Variants in XIRP2 observed in about 807,000 individuals in gnomAD.
The protein encoded by XIRP2 is xin actin binding repeat containing 2.
Under a neutral mutation model 277.0 loss-of-function variants are expected in XIRP2, and 236 were observed. That is an observed-to-expected ratio of 0.85 (90% confidence interval 0.77 to 0.95). XIRP2 has a LOEUF of 0.95. Among genes scored for constraint, XIRP2 ranks in the 40% least tolerant of loss-of-function variants. The pLI, the probability that XIRP2 is intolerant of heterozygous loss-of-function variation, is 0.00. For synonymous variants in XIRP2, 1,490 were observed against 1,416.5 expected (o/e 1.05, Z -1.17); for missense variants, 4,640 against 4,157.5 (o/e 1.12, Z -3.19).
intron 10 of XIRP2, among the ~76,000 whole-genome samples, chr2:167,256,871 A>G (rs987880665): frequency 6.6e-6 from 1 of 151,726 alleles, no homozygotes; most frequent in African/African-American, 2.4e-5. Context: ...CTTCTCTTTC[A>G]TTTCTGTAAT....
Position 167,178,705 on chromosome 2 carries a change from C to T in XIRP2, c.563-32030C>T, listed in dbSNP as rs577009561. Among the ~76,000 whole-genome samples, 3 of 151,840 alleles carry T rather than the reference C, an allele frequency of 2.0e-5. 1 individual carries two copies. The South Asian group carries it at 6.2e-4, about 32-fold the overall frequency. ...CCTGATGAAATTTAAAATTTGATGA[C>T]CACCTTAAGGTGTTTTTCTGGACCA... On this transcript the variant is annotated intron_variant, in intron 3 of 10. Transcript: ENST00000409195.
chr2:166,934,484 T>C (rs1039168097), intron 2 of XIRP2, among the ~76,000 whole-genome samples: 2 of 152,198 alleles, frequency 1.3e-5, no homozygotes, highest in Non-Finnish European at 1.5e-5. Context: ...GTGCAGCCTA[T>C]TGAGACCCTG....
intron 2 of XIRP2, among the ~76,000 whole-genome samples, chr2:167,100,163 A>AAT (rs1356635753): frequency 2.6e-5 from 4 of 152,072 alleles, no homozygotes; most frequent in Non-Finnish European, 5.9e-5. Flanking sequence ...TAGTCTAAAA[A>AAT]AAAAATTAAA....
At chr2:166,920,887 C>G (rs953762919) in intron 2 of XIRP2, among the ~76,000 whole-genome samples, 1 of 152,070 alleles carries the variant, frequency 6.6e-6, no homozygotes, top group African/African-American at 2.4e-5. Flanking sequence ...CTAACCCAGT[C>G]AGGTGGAGTC....
At chr2:166,899,365 A>G (rs990711127) in intron 1 of XIRP2, among the ~76,000 whole-genome samples, 2 of 152,132 alleles carry the variant, frequency 1.3e-5, no homozygotes, top group Non-Finnish European at 2.9e-5. Flanking sequence ...CAGACATTAT[A>G]CCCCTAGCTT....
chr2:167,124,926 G>A lies in XIRP2; in HGVS notation c.409-10983G>A, dbSNP rs141901909. Among the ~76,000 whole-genome samples, 517 of 152,248 alleles carry A rather than the reference G, an allele frequency of 3.4e-3. 4 individuals are homozygous for A. The highest frequency in any genetic ancestry group is 0.012 in the African/African-American group (488 of 41,544). ...AAGGATGGCCCAGATCAGACTGGTG[G>A]AACCCACAGGAGCCACCAGTCTAAA... is the stretch of plus-strand genomic sequence containing the variant. On this transcript the variant is annotated intron_variant, in intron 2 of 10. Transcript: ENST00000409195.
intron 2 of XIRP2, among the ~76,000 whole-genome samples, chr2:167,012,596 T>C (rs1687710860): frequency 6.6e-6 from 1 of 151,644 alleles, no homozygotes; most frequent in Non-Finnish European, 1.5e-5. Context: ...CATTATGACA[T>C]AGTAGGCCAT....
chr2:167,087,944 A>T (rs919961085), intron 2 of XIRP2, among the ~76,000 whole-genome samples: 1 of 152,086 alleles, frequency 6.6e-6, no homozygotes, highest in Non-Finnish European at 1.5e-5. Flanking sequence ...AGCTGTTCCT[A>T]TTCGGCCATC....
intron 2 of XIRP2, among the ~76,000 whole-genome samples, chr2:166,958,127 G>A (rs999735243): frequency 6.6e-6 from 1 of 151,898 alleles, no homozygotes; most frequent in African/African-American, 2.4e-5. Flanking sequence ...AAATTAAGAT[G>A]ATGCTGAATT....
intron 2 of XIRP2, among the ~76,000 whole-genome samples, chr2:167,039,484 G>T (rs1465627491): frequency 6.6e-6 from 1 of 152,176 alleles, no homozygotes; most frequent in Non-Finnish European, 1.5e-5. Context: ...AAGTTACAGA[G>T]AAAGGAACAA....
In XIRP2 at chr2:167,248,487, G is replaced by A. The variant is rs149765008; in HGVS notation, c.7095G>A (p.Pro2365=). 2.3e-4 allele frequency: 376 copies of A among 1,613,334 alleles called. 2 individuals carry two copies. In the African/African-American group the frequency reaches 3.4e-3, roughly 15 times the overall value. Residue 2365 remains proline (P), a synonymous_variant, in exon 9 of 11, where the codon CCG becomes CCA. Transcript: ENST00000409195. ...GAGAAAGTTCATCGATGTTTCTGCC[G>A]CCTCCTCCTCCTCCAACTCCATCTC... ...SERESSSMFL[P]PPPPPTPSQK... is the part of the protein sequence containing the mutation.
rs748483811 is a variant in XIRP2 at position 166,903,573 on chromosome 2, A to G, written c.91A>G (p.Ser31Gly). 1 of 1,613,676 alleles carries G rather than the reference A, an allele frequency of 6.2e-7. No individual in the cohort carries two copies. The highest frequency in any genetic ancestry group is 8.5e-7 in the Non-Finnish European group (1 of 1,179,766). The change falls in exon 2 of 11, where the codon AGC becomes GGC. Residue 31 changes from serine (S) to glycine (G), a missense_variant. Transcript: ENST00000409195. ...YQRSECHPRD[S>G]HCTIFQPQES... ...GAGAAGTGAGTGTCATCCCAGGGAC[A>G]GCCATTGTACAATTTTCCAGCCTCA...
At chr2:166,892,160 TA>T (rs1193847593) in intron 1 of XIRP2, among the ~76,000 whole-genome samples, 1 of 152,166 alleles carries the variant, frequency 6.6e-6, no homozygotes, top group Non-Finnish European at 1.5e-5. Context: ...TATCCAACAA[TA>T]CCTTTTTATT....
rs551126832 is a variant in XIRP2, at chr2:166,956,574, A to G, written c.408+52684A>G. ...GATCCTGAGAAAGATAGTGGTTTAA[A>G]TAATTACTTGTTTATTTTTCTTCAT... is the stretch of plus-strand genomic sequence containing the variant. On this transcript the variant is annotated intron_variant, in intron 2 of 10. Coordinates refer to ENST00000409195, the MANE Select transcript of XIRP2 (RefSeq NM_152381.6). Among the ~76,000 whole-genome samples the G allele has an allele frequency of 2.0e-5, 3 of 151,960 alleles. No homozygotes were observed. The South Asian group carries it at 6.2e-4, about 31-fold the overall frequency.
At chr2:167,175,739 G>A (rs1171314383) in intron 3 of XIRP2, among the ~76,000 whole-genome samples, 1 of 152,278 alleles carries the variant, frequency 6.6e-6, no homozygotes, top group East Asian at 1.9e-4. Context: ...TGCTCCCACA[G>A]CTGCCCCTTC....
At chr2:167,088,139 A>T (rs1057127429) in intron 2 of XIRP2, among the ~76,000 whole-genome samples, 3 of 152,132 alleles carry the variant, frequency 2.0e-5, no homozygotes, top group Admixed American at 2.0e-4. Flanking sequence ...TGGATGTTTA[A>T]AAGTATCAAA....
At chr2:166,910,716 T>C (rs556895912) in intron 2 of XIRP2, among the ~76,000 whole-genome samples, 139 of 152,338 alleles carry the variant, frequency 9.1e-4, no homozygotes, top group African/African-American at 3.2e-3. Flanking sequence ...GGGTGTCAAC[T>C]TTAGATTTTT....
At position 167,257,977 on chromosome 2, in the gene XIRP2, G is replaced by C. The variant is rs781776835; in HGVS notation, c.*160G>C. 1.9e-6 allele frequency: 3 copies of C among 1,613,032 alleles called. No individual in the cohort carries two copies. In the African/African-American group the frequency reaches 4.0e-5, roughly 22 times the overall value. ...GACATAAGCAGCATAAAGATAGATG[G>C]AACTGCAAAAACCAAAGCAGATCAG... is the stretch of plus-strand genomic sequence containing the variant. On this transcript the variant is annotated 3_prime_UTR_variant, in exon 11 of 11. Coordinates refer to ENST00000409195, the MANE Select transcript of XIRP2 (RefSeq NM_152381.6).
chr2:167,224,782 T>C (rs565594860), intron 5 of XIRP2, among the ~76,000 whole-genome samples: 3 of 152,302 alleles, frequency 2.0e-5, no homozygotes, highest in African/African-American at 7.2e-5. Context: ...CAAAATAGCG[T>C]ATGATTCACA....
Sources: gnomAD v4.1 joint callset for allele counts (sites outside exome capture counted in the v4.1 genomes callset) on GRCh38, gnomAD v4.1.1 for gene constraint, MANE v1.5 for transcripts, NCBI Gene and HGNC (gene_info 2026-07-23, HGNC 2026-07-21) for gene names.